Variants in WDFY3 observed in about 807,000 individuals in gnomAD.
The protein encoded by WDFY3 is WD repeat and FYVE domain-containing protein 3.
WDFY3 carries 66 observed loss-of-function variants against 409.6 expected under a neutral mutation model. The observed-to-expected ratio is 0.16, with a 90% CI of 0.13 to 0.20. The LOEUF (loss-of-function observed/expected upper bound fraction) is 0.20, where lower values mean the gene tolerates loss of function less well. Among genes scored for constraint, WDFY3 ranks in the 10% least tolerant of loss-of-function variants. The pLI is 1.00. For missense variants in WDFY3, 3,031 were observed against 4,298.1 expected, an observed-to-expected ratio of 0.71 and a Z score of 8.24; for synonymous variants, 1,521 against 1,537.1, an observed-to-expected ratio of 0.99 and a Z score of 0.25.
At chr4:84,893,067 G>C (rs1159948213) in intron 3 of WDFY3, among the ~76,000 whole-genome samples, 1 of 152,188 alleles carries the variant, frequency 6.6e-6, no homozygotes, top group African/African-American at 2.4e-5. Flanking sequence ...TAGAGTTGGG[G>C]AGCAGAATTA....
chr4:84,723,639 C>G (rs1735195364), intron 46 of WDFY3, among the ~76,000 whole-genome samples: 1 of 152,176 alleles, frequency 6.6e-6, no homozygotes, highest in Non-Finnish European at 1.5e-5. Flanking sequence ...AAAAATCTGT[C>G]TTTGAGAAAA....
chr4:84,673,094 A>G, intron 67 of WDFY3, 103 bp from the exon 68 acceptor site: 1 of 1,486,370 alleles, frequency 6.7e-7, no homozygotes, highest in Admixed American at 1.8e-5. Context: ...TAAAATGCCA[A>G]AGGCCATACT....
At chr4:84,857,662 C>T (rs1759954212) in intron 4 of WDFY3, among the ~76,000 whole-genome samples, 1 of 152,156 alleles carries the variant, frequency 6.6e-6, no homozygotes, top group South Asian at 2.1e-4. Flanking sequence ...TGTCATAGTT[C>T]TCTCTCCCAT....
chr4:84,738,973 A>G (rs1265185148), intron 40 of WDFY3, 37 bp downstream of exon 40: 1 of 1,606,500 alleles, frequency 6.2e-7, no homozygotes, highest in Non-Finnish European at 8.5e-7. Flanking sequence ...AGATAAAACA[A>G]CCACAATTTA....
At chr4:84,837,667 A>G (rs1218935205) in intron 6 of WDFY3, among the ~76,000 whole-genome samples, 1 of 152,206 alleles carries the variant, frequency 6.6e-6, no homozygotes, top group East Asian at 1.9e-4. Flanking sequence ...AGATATCCAG[A>G]GGAGAAACTC....
intron 5 of WDFY3, chr4:84,844,384 A>G (rs1237266972): frequency 7.2e-6 from 9 of 1,251,128 alleles, no homozygotes; most frequent in Non-Finnish European, 9.4e-6. Context: ...CAGAAAAACA[A>G]TATTAGAACT....
chr4:84,747,436 T>C (rs1433152466), intron 36 of WDFY3, among the ~76,000 whole-genome samples: 1 of 152,150 alleles, frequency 6.6e-6, no homozygotes, highest in Non-Finnish European at 1.5e-5. Flanking sequence ...TTTGCCATTG[T>C]TTTTTGCTTG....
intron 8 of WDFY3, among the ~76,000 whole-genome samples, chr4:84,830,071 G>C (rs1427464063): frequency 6.6e-6 from 1 of 152,080 alleles, no homozygotes; most frequent in African/African-American, 2.4e-5. Context: ...AGATTTAACA[G>C]AGGAATGGGA....
At chr4:84,829,798 C>T (rs921812171) in intron 8 of WDFY3, among the ~76,000 whole-genome samples, 2 of 55,840 alleles carry the variant, frequency 3.6e-5, no homozygotes, top group African/African-American at 1.5e-4. Flanking sequence ...GGTGACAGAG[C>T]GAGACTGTCT....
intron 42 of WDFY3, 56 bp from the exon 43 acceptor site, chr4:84,735,176 G>C: frequency 6.8e-7 from 1 of 1,476,598 alleles, no homozygotes; most frequent in Non-Finnish European, 9.3e-7. Context: ...GAAAAAAATA[G>C]TTAATTACCC....
rs200065109 is a variant in WDFY3 at position 84,821,173 on chromosome 4, C to T, written c.1502G>A (p.Arg501Lys). 2 of 1,613,706 alleles carry T rather than the reference C, an allele frequency of 1.2e-6. No homozygotes were observed. Among genetic ancestry groups the T allele is most frequent in the Non-Finnish European group, 1.7e-6 (2 of 1,179,812 alleles). ...RHDYIFKDVF[R>K]EVGLLEVMVN... ...CATGACCTCCAAAAGGCCAACCTCC[C>T]TGAACACGTCTTTAAATATGTAGTC... Residue 501 changes from arginine to lysine, a missense_variant, in exon 11 of 68, where the codon AGG becomes AAG. Around this residue, in one of 16 missense-constraint regions of WDFY3, gnomAD observed 1,322 missense variants for 1,697.9 expected, o/e 0.78. Coordinates refer to ENST00000295888, the MANE Select transcript of WDFY3 (RefSeq NM_014991.6).
intron 1 of WDFY3, among the ~76,000 whole-genome samples, chr4:84,944,830 T>C (rs566788038): frequency 6.6e-6 from 1 of 152,064 alleles, no homozygotes. Context: ...ATAATACATA[T>C]AGTCACTGGA....
chr4:84,781,856 T>C (rs1746581057), intron 25 of WDFY3, among the ~76,000 whole-genome samples: 1 of 152,206 alleles, frequency 6.6e-6, no homozygotes, highest in South Asian at 2.1e-4. Context: ...TTACCAATGC[T>C]GTATTATCAA....
intron 4 of WDFY3, among the ~76,000 whole-genome samples, chr4:84,854,485 T>C (rs980663487): frequency 6.6e-6 from 1 of 152,238 alleles, no homozygotes; most frequent in Non-Finnish European, 1.5e-5. Flanking sequence ...AGTAGTGGTA[T>C]TTCTTGAAAC....
intron 3 of WDFY3, among the ~76,000 whole-genome samples, chr4:84,871,517 A>T (rs908547387): frequency 4.6e-5 from 7 of 152,240 alleles, no homozygotes; most frequent in Non-Finnish European, 1.0e-4. Context: ...AAGAAATGTT[A>T]AAAGTTCTTC....
rs560213969 is a variant in WDFY3, at chr4:84,759,412, G to A, written c.5189-2251C>T. 4.1e-3 allele frequency among the ~76,000 whole-genome samples: 620 copies of A among 152,208 alleles called. 4 individuals carry two copies. The highest frequency in any genetic ancestry group is 0.014 in the African/African-American group (580 of 41,522). On this transcript the variant is annotated intron_variant, in intron 32 of 67. Coordinates refer to ENST00000295888, the MANE Select transcript of WDFY3 (RefSeq NM_014991.6). ...CCTTGGGCAGTATGACCATTTTCAT[G>A]ATATTGATTCTTCCTACCCATGAGC... is the stretch of plus-strand genomic sequence containing the variant.
chr4:84,684,216 A>C, intron 62 of WDFY3, 91 bp from the exon 63 acceptor site: 12 of 1,322,826 alleles, frequency 9.1e-6, no homozygotes, highest in Non-Finnish European at 1.2e-5. Context: ...CCTAGTTCTC[A>C]GAAAGCCTTT....
intron 36 of WDFY3, chr4:84,751,271 T>C: frequency 1.7e-6 from 1 of 587,652 alleles, no homozygotes; most frequent in South Asian, 2.1e-5. Context: ...GATAAAGGAC[T>C]GAATTAGAGA....
intron 2 of WDFY3, among the ~76,000 whole-genome samples, chr4:84,927,728 G>T (rs567690056): frequency 2.0e-5 from 3 of 152,160 alleles, no homozygotes; most frequent in Non-Finnish European, 4.4e-5. Flanking sequence ...TCTCTCTCCT[G>T]CTGCCCTGTG....
Sources: allele counts gnomAD v4.1 joint callset (sites outside exome capture counted in the v4.1 genomes callset), GRCh38; gene constraint gnomAD v4.1.1; regional missense constraint gnomAD v4.1.1; transcripts MANE v1.5; gene names NCBI Gene and HGNC (gene_info 2026-07-23, HGNC 2026-07-21).